The following RBM26 variants were observed in gnomAD, a reference collection of about 807,000 sequenced individuals.
The protein encoded by RBM26 is RNA binding motif protein 26.
Under a neutral mutation model 123.6 loss-of-function variants are expected in RBM26, and 30 were observed. The ratio of observed to expected loss-of-function variants is 0.24; its 90% CI spans 0.18 to 0.33. The LOEUF is 0.33. Among genes scored for constraint, RBM26 ranks in the 10% least tolerant of loss-of-function variants. The pLI, the probability that RBM26 is intolerant of heterozygous loss-of-function variation, is 1.00. For missense variants in RBM26, 947 were observed against 1,203.6 expected (o/e 0.79, Z 3.15); for synonymous variants, 400 against 404.4 (o/e 0.99, Z 0.13).
intron 20 of RBM26, among the ~76,000 whole-genome samples, chr13:79,329,345 A>G (rs2068938206): frequency 2.0e-5 from 3 of 152,000 alleles, no homozygotes; most frequent in Non-Finnish European, 4.4e-5. Context: ...ACATATATAT[A>G]TATGTATGTT....
rs575761705 is a variant in RBM26, at chr13:79,358,509, C to T, written c.1530-76G>A. On this transcript the variant is annotated intron_variant, in intron 10 of 21. Coordinates refer to ENST00000438737, the MANE Select transcript of RBM26 (RefSeq NM_001366735.2). ...CCAAATACAAGGGAATAAAGTTTAA[C>T]AAAATAGATATCCAATTAAGTTCAA... The T allele has an allele frequency of 2.5e-5, 28 of 1,142,220 alleles. No homozygotes were observed. The East Asian group carries it at 6.9e-4, about 28-fold the overall frequency. The allele number at this position is 1,142,220 out of a possible 1,614,324, so 70.8% of individuals were successfully genotyped here.
At chr13:79,371,563 C>CAA (rs540473420) in intron 4 of RBM26, among the ~76,000 whole-genome samples, 2 of 138,948 alleles carry the variant, frequency 1.4e-5, no homozygotes, top group African/African-American at 5.3e-5. Flanking sequence ...AAACAGCAGG[C>CAA]AAAAAAAAAA....
At chr13:79,348,232 A>G (rs2072645941) in intron 14 of RBM26, among the ~76,000 whole-genome samples, 1 of 152,074 alleles carries the variant, frequency 6.6e-6, no homozygotes, top group Non-Finnish European at 1.5e-5. Flanking sequence ...TTCTTATAGT[A>G]TATTGTCAGG....
chr13:79,370,713 T>G (rs1302446220), intron 5 of RBM26, among the ~76,000 whole-genome samples: 1 of 152,226 alleles, frequency 6.6e-6, no homozygotes, highest in African/African-American at 2.4e-5. Flanking sequence ...CAACATGGAA[T>G]AGAATCAGTC....
At chr13:79,352,657 T>C (rs1594224350) in intron 14 of RBM26, among the ~76,000 whole-genome samples, 1 of 152,126 alleles carries the variant, frequency 6.6e-6, no homozygotes, top group East Asian at 1.9e-4. Context: ...ACAAAAATAT[T>C]TGTAAATAAA....
intron 4 of RBM26, 124 bp from the exon 5 acceptor site, chr13:79,371,286 G>A (rs542526825): frequency 1.1e-5 from 8 of 739,882 alleles, no homozygotes; most frequent in African/African-American, 1.1e-4. Context: ...TCAGACAACT[G>A]AAAAAACTGA....
intron 9 of RBM26, among the ~76,000 whole-genome samples, chr13:79,361,758 C>A (rs570450763): frequency 1.2e-4 from 18 of 152,086 alleles, no homozygotes; most frequent in African/African-American, 4.3e-4. Context: ...TTTCTCTGTC[C>A]ATTTACTTTG....
chr13:79,365,722 G>A lies in RBM26; in HGVS notation c.1277-4C>T. 6.2e-7 allele frequency: 1 copy of A among 1,606,144 alleles called. No individual in the cohort carries two copies. Among genetic ancestry groups the A allele is most frequent in the Non-Finnish European group, 8.5e-7 (1 of 1,177,698 alleles). On this transcript the variant is annotated splice_polypyrimidine_tract_variant and splice_region_variant and intron_variant, in intron 8 of 21. Transcript: ENST00000438737. Reference sequence around the variant, plus strand: ...TAGCCATCTGTGTCATATGTATCTGGTAATACAAAAACTGTAATTAAAAAA... The same window carrying A: ...TAGCCATCTGTGTCATATGTATCTGATAATACAAAAACTGTAATTAAAAAA...
At chr13:79,370,134 AC>A (rs1447360296) in intron 5 of RBM26, among the ~76,000 whole-genome samples, 3 of 151,676 alleles carry the variant, frequency 2.0e-5, no homozygotes, top group African/African-American at 2.4e-5. Context: ...ACCTGGTGAA[AC>A]CCCCAACGTG....
chr13:79,316,019 C>G (rs2067108972), downstream of RBM26, among the ~76,000 whole-genome samples: 1 of 151,748 alleles, frequency 6.6e-6, no homozygotes, highest in Admixed American at 6.6e-5. Flanking sequence ...TCTTGTCTTA[C>G]AAATATTGTA....
intron 14 of RBM26, 131 bp downstream of exon 14, chr13:79,353,022 C>A: frequency 2.1e-6 from 1 of 473,150 alleles, no homozygotes; most frequent in South Asian, 5.6e-5. Context: ...AAATGGAAAC[C>A]AAAAGGTAGG....
intron 20 of RBM26, among the ~76,000 whole-genome samples, chr13:79,326,054 G>A (rs1409532268): frequency 6.6e-6 from 1 of 152,122 alleles, no homozygotes; most frequent in Non-Finnish European, 1.5e-5. Context: ...TAGGTGTGTA[G>A]TAGGTTATAT....
chr13:79,383,630 AC>A (rs1484213371), intron 1 of RBM26, among the ~76,000 whole-genome samples: 5 of 150,058 alleles, frequency 3.3e-5, no homozygotes, highest in African/African-American at 1.2e-4. Flanking sequence ...TGAAAATACA[AC>A]TTTTAGAAAC....
At chr13:79,372,045 C>G in intron 3 of RBM26, 115 bp from the exon 4 acceptor site, 1 of 701,694 alleles carries the variant, frequency 1.4e-6, no homozygotes, top group Non-Finnish European at 2.4e-6. Context: ...CTTTGGGAGG[C>G]TGAGGCGGGT....
At chr13:79,326,938 T>C (rs189880127) in intron 20 of RBM26, among the ~76,000 whole-genome samples, 10 of 151,010 alleles carry the variant, frequency 6.6e-5, no homozygotes, top group African/African-American at 2.2e-4. Flanking sequence ...AGCAGTGCAA[T>C]GAAATAAGGT....
In RBM26 at chr13:79,347,799, T is replaced by G. The variant is rs1182901582; in HGVS notation, c.2059-3005A>C. On this transcript the variant is annotated intron_variant, in intron 14 of 21. Coordinates refer to ENST00000438737, the MANE Select transcript of RBM26 (RefSeq NM_001366735.2). ...TTAGTGCACCCATGAGTCTCTCCAGTACAATACTAAAAAAAATAAAAGTGA... is the reference window on the plus strand; with the variant it reads ...TTAGTGCACCCATGAGTCTCTCCAGGACAATACTAAAAAAAATAAAAGTGA... Among the ~76,000 whole-genome samples, 10 of 118,882 alleles carry G rather than the reference T, an allele frequency of 8.4e-5. No homozygotes were observed. The Admixed American group carries it at 9.9e-4, about 12-fold the overall frequency. 78.0% of individuals were successfully genotyped at this position (118,882 alleles called of 152,430 possible).
rs2075829021 is a variant in RBM26 at position 79,371,074 on chromosome 13, A to T, written c.505T>A (p.Tyr169Asn). ...PPRRDSYRDR[Y>N]NRRRGRSRSY... ...CGACTCCGCCCTCGTCTTCTATTGT[A>T]CCGGTCTCTGTATGAATCTCTTCGA... The change falls in exon 5 of 22, where the codon TAC becomes AAC. Residue 169 changes from tyrosine to asparagine, a missense_variant. Transcript: ENST00000438737. 6.2e-7 allele frequency: 1 copy of T among 1,614,048 alleles called. No homozygotes were observed. Among genetic ancestry groups the T allele is most frequent in the African/African-American group, 1.3e-5 (1 of 75,004 alleles).
rs1321804572 is a variant in RBM26 at position 79,388,849 on chromosome 13, C to T, written c.72-9942G>A. ...GAAAGTAATAGTAACAAATAAGAAA[C>T]GTCACAATGACAATTTCTTACAAAA... is the stretch of plus-strand genomic sequence containing the variant. On this transcript the variant is annotated intron_variant, in intron 1 of 21. Coordinates refer to ENST00000438737, the MANE Select transcript of RBM26 (RefSeq NM_001366735.2). Among the ~76,000 whole-genome samples, 4 of 152,168 alleles carry T rather than the reference C, an allele frequency of 2.6e-5. No individual in the cohort carries two copies. The East Asian group carries it at 7.7e-4, about 29-fold the overall frequency.
At chr13:79,392,535 TTATA>T (rs996768649) in intron 1 of RBM26, among the ~76,000 whole-genome samples, 3 of 146,734 alleles carry the variant, frequency 2.0e-5, no homozygotes, top group African/African-American at 7.4e-5. Flanking sequence ...ATGTTATATA[TTATA>T]TATAAACATA....
Sources: allele counts gnomAD v4.1 joint callset (sites outside exome capture counted in the v4.1 genomes callset), GRCh38; gene constraint gnomAD v4.1.1; transcripts MANE v1.5; gene names NCBI Gene and HGNC (gene_info 2026-07-23, HGNC 2026-07-21).